The following TEK variants were observed in gnomAD, a reference collection of about 807,000 sequenced individuals.
The protein encoded by TEK is angiopoietin-1 receptor.
A neutral mutation model predicts 131.8 loss-of-function variants in TEK; 43 were observed. That is an observed-to-expected ratio of 0.33 (90% CI 0.26 to 0.42). The LOEUF (loss-of-function observed/expected upper bound fraction) is 0.42. Ranked by LOEUF, TEK falls within the 10% of genes least tolerant of loss-of-function variation. TEK has a pLI of 1.00. For synonymous variants in TEK, 580 were observed against 491.6 expected (o/e 1.18, Z -2.38); for missense variants, 1,162 against 1,384.4 (o/e 0.84, Z 2.55).
intron 2 of TEK, among the ~76,000 whole-genome samples, chr9:27,165,636 G>A (rs897589942): frequency 2.6e-5 from 4 of 152,168 alleles, no homozygotes; most frequent in Non-Finnish European, 5.9e-5. Context: ...AACAACCTTT[G>A]AAGGTAGGTA....
intron 15 of TEK, among the ~76,000 whole-genome samples, chr9:27,208,504 T>G (rs973213752): frequency 6.6e-6 from 1 of 152,240 alleles, no homozygotes; most frequent in African/African-American, 2.4e-5. Flanking sequence ...TAGAAGCAGA[T>G]GCAACTCAGT....
chr9:27,200,907 A>G (rs949796051), intron 12 of TEK, among the ~76,000 whole-genome samples: 2 of 152,142 alleles, frequency 1.3e-5, no homozygotes, highest in African/African-American at 4.8e-5. Context: ...GACTTGCCCA[A>G]AATTATGGAA....
chr9:27,133,362 G>A (rs1373629007), intron 1 of TEK, among the ~76,000 whole-genome samples: 4 of 152,190 alleles, frequency 2.6e-5, no homozygotes, highest in Non-Finnish European at 2.9e-5. Context: ...TCAAAATGTC[G>A]TGTACTTCTG....
chr9:27,140,846 G>A (rs1301274392), intron 1 of TEK, among the ~76,000 whole-genome samples: 4 of 152,152 alleles, frequency 2.6e-5, no homozygotes, highest in African/African-American at 7.2e-5. Context: ...CTCTACTGTG[G>A]ATTTTACTTT....
chr9:27,210,032 T>A (rs998207455), intron 16 of TEK, among the ~76,000 whole-genome samples: 2 of 152,180 alleles, frequency 1.3e-5, no homozygotes, highest in African/African-American at 4.8e-5. Context: ...TTGTTGACTT[T>A]GCAGCACAAA....
chr9:27,198,040 G>C (rs1478446033), intron 12 of TEK, among the ~76,000 whole-genome samples: 2 of 150,166 alleles, frequency 1.3e-5, no homozygotes, highest in Non-Finnish European at 3.0e-5. Context: ...ATTTATCTAG[G>C]AGTAATAAAA....
rs564577326 is a variant in TEK at position 27,165,431 on chromosome 9, A to G, written c.365-3064A>G. On this transcript the variant is annotated intron_variant, in intron 2 of 22. Coordinates refer to ENST00000380036, the MANE Select transcript of TEK (RefSeq NM_000459.5). ...ACTTGGCAACGTGAGCAGAAGCCCC[A>G]CAAAGACAGCCCCCCTCACCATCCA... Among the ~76,000 whole-genome samples, 4 of 152,108 alleles carry G rather than the reference A, an allele frequency of 2.6e-5. No homozygotes were observed. The East Asian group carries it at 7.7e-4, about 29-fold the overall frequency.
At chr9:27,214,756 G>A (rs1825757838) in intron 18 of TEK, among the ~76,000 whole-genome samples, 1 of 152,204 alleles carries the variant, frequency 6.6e-6, no homozygotes, top group Non-Finnish European at 1.5e-5. Context: ...TTTCTGATGA[G>A]GGTGTGAAGC....
At chr9:27,198,937 A>G (rs1398890912) in intron 12 of TEK, among the ~76,000 whole-genome samples, 1 of 152,122 alleles carries the variant, frequency 6.6e-6, no homozygotes, top group African/African-American at 2.4e-5. Context: ...AGCTGGGACC[A>G]CAGGCACACG....
chr9:27,110,520 C>T (rs1821298083), intron 1 of TEK, among the ~76,000 whole-genome samples: 1 of 152,164 alleles, frequency 6.6e-6, no homozygotes, highest in Non-Finnish European at 1.5e-5. Context: ...AGTCTCTCCC[C>T]TTCGGTTTGA....
intron 10 of TEK, chr9:27,191,804 C>T: frequency 2.6e-6 from 1 of 379,234 alleles, no homozygotes; most frequent in Non-Finnish European, 5.1e-6. Context: ...GGTAATAATC[C>T]ATCACCTTTG....
chr9:27,192,728 T>TGGGGGGGTGGGGGGGGGGGG, intron 11 of TEK, 105 bp downstream of exon 11: 2 of 161,298 alleles, frequency 1.2e-5, no homozygotes, highest in Admixed American at 1.5e-4. Context: ...AGTGGGTGGG[T>TGGGGGGGTGGGGGGGGGGGG]GGGGATGGAG....
intron 1 of TEK, among the ~76,000 whole-genome samples, chr9:27,153,146 C>T (rs1387411841): frequency 6.6e-6 from 1 of 152,114 alleles, no homozygotes; most frequent in Non-Finnish European, 1.5e-5. Context: ...CACTTTTATG[C>T]AAACATTGAA....
chr9:27,188,999 A>T (rs1274972831), intron 9 of TEK, among the ~76,000 whole-genome samples: 1 of 152,172 alleles, frequency 6.6e-6, no homozygotes, highest in Non-Finnish European at 1.5e-5. Context: ...AAAGACTTGA[A>T]GGTTATGTCT....
At position 27,140,401 on chromosome 9, in the gene TEK, A is replaced by C. The variant is rs1041685226; in HGVS notation, c.53-17430A>C. On this transcript the variant is annotated intron_variant, in intron 1 of 22. Coordinates refer to ENST00000380036, the MANE Select transcript of TEK (RefSeq NM_000459.5). ...AAACTTACATTAGCAAAAAAGAAAA[A>C]AAAAAAAAAAAAAGAAACATTAATC... 7.8e-4 allele frequency among the ~76,000 whole-genome samples: 116 copies of C among 149,474 alleles called. 1 individual carries two copies. The highest frequency in any genetic ancestry group is 2.9e-3 in the African/African-American group (115 of 40,018).
intron 1 of TEK, among the ~76,000 whole-genome samples, chr9:27,145,890 T>G (rs1450849669): frequency 1.3e-5 from 2 of 152,212 alleles, no homozygotes; most frequent in African/African-American, 4.8e-5. Flanking sequence ...ATAAAAATCT[T>G]TATTTTAAAA....
chr9:27,148,217 A>G (rs574316525), intron 1 of TEK, among the ~76,000 whole-genome samples: 333 of 152,376 alleles, frequency 2.2e-3, no homozygotes, highest in African/African-American at 7.7e-3. Flanking sequence ...TTTCTATTCA[A>G]CAGCCAGCAC....
intron 21 of TEK, among the ~76,000 whole-genome samples, chr9:27,221,921 G>T (rs1826100027): frequency 6.6e-6 from 1 of 152,136 alleles, no homozygotes; most frequent in African/African-American, 2.4e-5. Flanking sequence ...GCTTCAGAAG[G>T]TGGGTAATAA....
At chr9:27,204,794 G>T in intron 13 of TEK, 117 bp from the exon 14 acceptor site, 1 of 1,359,136 alleles carries the variant, frequency 7.4e-7, no homozygotes, top group Non-Finnish European at 1.0e-6. Context: ...GTGGTTAGGT[G>T]GCAGGGTTAA....
Sources: allele counts gnomAD v4.1 joint callset (sites outside exome capture counted in the v4.1 genomes callset), GRCh38; gene constraint gnomAD v4.1.1; transcripts MANE v1.5; gene names NCBI Gene and HGNC (gene_info 2026-07-23, HGNC 2026-07-21).